Variants in ARMC3 observed in about 807,000 individuals in gnomAD.
ARMC3 encodes armadillo repeat-containing protein 3.
A neutral mutation model predicts 90.3 loss-of-function variants in ARMC3; 74 were observed. That is an observed-to-expected ratio of 0.82 (90% CI 0.68 to 0.99). ARMC3 has a LOEUF of 0.99. Among genes scored for constraint, ARMC3 ranks in the 50% least tolerant of loss-of-function variants. The pLI, the probability that ARMC3 is intolerant of heterozygous loss-of-function variation, is 0.00. For missense variants in ARMC3, 958 were observed against 1,042.8 expected, an observed-to-expected ratio of 0.92 and a Z score of 1.12; for synonymous variants, 334 against 361.8, an observed-to-expected ratio of 0.92 and a Z score of 0.87.
Position 22,959,544 on chromosome 10 carries a change from C to A in ARMC3, c.507C>A (p.Asn169Lys). Reference sequence around the variant, plus strand: ...GCCCTGACCCGGATGTAAAGAAGAACTCTATGGAATGCATTTACAACTTGG... The same window carrying A: ...GCCCTGACCCGGATGTAAAGAAGAAATCTATGGAATGCATTTACAACTTGG... Reference protein sequence around the residue: ...LSSPDPDVKKNSMECIYNLVQ... With the variant: ...LSSPDPDVKKKSMECIYNLVQ... The change falls in exon 6 of 19, where the codon AAC becomes AAA. Residue 169 changes from asparagine to lysine, a missense_variant. By Grantham distance (94) the Asn-to-Lys change is moderately conservative. Transcript: ENST00000298032. 6.2e-7 allele frequency: 1 copy of A among 1,608,074 alleles called. No individual in the cohort carries two copies. Among genetic ancestry groups the A allele is most frequent in the Non-Finnish European group, 8.5e-7 (1 of 1,178,770 alleles).
At chr10:23,021,023 T>C (rs544689712) in intron 16 of ARMC3, among the ~76,000 whole-genome samples, 32 of 152,286 alleles carry the variant, frequency 2.1e-4, no homozygotes, top group African/African-American at 7.5e-4. Context: ...TCCATGTGTA[T>C]GCAATGTTTA....
At chr10:22,968,173 A>G (rs1041813836) in intron 7 of ARMC3, 133 bp from the exon 8 acceptor site, 4 of 738,932 alleles carry the variant, frequency 5.4e-6, no homozygotes, top group African/African-American at 3.6e-5. Flanking sequence ...CAGAACTCCT[A>G]TTCCCTGGGG....
Position 23,014,233 on chromosome 10 carries a change from G to T in ARMC3, c.2045+5302G>T, listed in dbSNP as rs990850046. ...CTTCTGAATTGTAAATGAAAATGAT[G>T]ATCCCTGCCTCAAAGAGCTGCTGTA... On this transcript the variant is annotated intron_variant, in intron 16 of 18. Coordinates refer to ENST00000298032, the MANE Select transcript of ARMC3 (RefSeq NM_173081.5). 30 of 1,523,462 alleles carry T rather than the reference G, an allele frequency of 2.0e-5. No individual in the cohort carries two copies. The African/African-American group carries it at 3.7e-4, about 19-fold the overall frequency. The allele number at this position is 1,523,462 out of a possible 1,614,324, so 94.4% of individuals were successfully genotyped here.
In ARMC3 at chr10:23,030,451, T is replaced by C. The variant is rs1006223136; in HGVS notation, c.2046-145T>C. 7 of 1,386,094 alleles carry C rather than the reference T, an allele frequency of 5.1e-6. No individual in the cohort carries two copies. In the East Asian group the frequency reaches 1.8e-4, roughly 35 times the overall value. 85.9% of individuals were successfully genotyped at this position (1,386,094 alleles called of 1,614,324 possible). On this transcript the variant is annotated intron_variant, in intron 16 of 18. Coordinates refer to ENST00000298032, the MANE Select transcript of ARMC3 (RefSeq NM_173081.5). ...TATTTACTGAAAAAAAATCCACATA[T>C]AAGTGGATCCACACAGTTCAATCTC...
At chr10:23,003,469 A>C in intron 13 of ARMC3, 55 bp downstream of exon 13, 1 of 1,359,532 alleles carries the variant, frequency 7.4e-7, no homozygotes, top group Non-Finnish European at 9.8e-7. Flanking sequence ...TTTTTCTTTA[A>C]TCCTGATGCC....
intron 6 of ARMC3, chr10:22,961,436 A>G (rs191724981): frequency 2.1e-3 from 329 of 157,306 alleles, no homozygotes; most frequent in Admixed American, 4.4e-3. Context: ...CCCGCTGTAA[A>G]TTTGCATGCA....
At chr10:22,974,890 C>T (rs2131315503) in intron 8 of ARMC3, among the ~76,000 whole-genome samples, 1 of 150,522 alleles carries the variant, frequency 6.6e-6, no homozygotes, top group African/African-American at 2.5e-5. Context: ...GATCCACCTG[C>T]CTTGGCCTCC....
chr10:22,992,137 C>T (rs143219711), intron 10 of ARMC3, among the ~76,000 whole-genome samples: 1 of 152,286 alleles, frequency 6.6e-6, no homozygotes, highest in East Asian at 1.9e-4. Flanking sequence ...TGTGATTGAA[C>T]AGATAGGTCA....
intron 18 of ARMC3, among the ~76,000 whole-genome samples, chr10:23,033,660 A>T (rs563110615): frequency 6.6e-6 from 1 of 152,324 alleles, no homozygotes; most frequent in Admixed American, 6.5e-5. Context: ...AACAGTAGCC[A>T]TTGAAAGTTT....
chr10:22,969,588 T>C (rs1390717628), intron 8 of ARMC3, among the ~76,000 whole-genome samples: 2 of 152,236 alleles, frequency 1.3e-5, no homozygotes, highest in Non-Finnish European at 2.9e-5. Context: ...TATAAATGCC[T>C]ATTTGAGAGA....
chr10:22,985,170 A>G (rs1474698737), intron 10 of ARMC3, among the ~76,000 whole-genome samples: 1 of 149,420 alleles, frequency 6.7e-6, no homozygotes, highest in African/African-American at 2.5e-5. Context: ...CTGGGATTAC[A>G]GGTTTGAGCC....
In ARMC3 at chr10:23,038,041, T is replaced by A. The variant is rs1383347652; in HGVS notation, c.*562T>A. On this transcript the variant is annotated 3_prime_UTR_variant, in exon 19 of 19. Coordinates refer to ENST00000298032, the MANE Select transcript of ARMC3 (RefSeq NM_173081.5). ...CATCATTAAAAACACTTTAATATAGTGAATTAAAAATATTTCTAAAGTATA... is the reference window on the plus strand; with the variant it reads ...CATCATTAAAAACACTTTAATATAGAGAATTAAAAATATTTCTAAAGTATA... 1 of 152,226 alleles carries A rather than the reference T, an allele frequency of 6.6e-6. No individual in the cohort carries two copies. Among genetic ancestry groups the A allele is most frequent in the Non-Finnish European group, 1.5e-5 (1 of 68,042 alleles). 9.4% of individuals were successfully genotyped at this position (152,226 alleles called of 1,614,324 possible).
intron 3 of ARMC3, among the ~76,000 whole-genome samples, chr10:22,952,501 G>A (rs141063248): frequency 1.5e-3 from 234 of 152,240 alleles, no homozygotes; most frequent in African/African-American, 5.5e-3. Context: ...AGCTTGAATA[G>A]CTCTATATTA....
intron 8 of ARMC3, among the ~76,000 whole-genome samples, chr10:22,979,914 G>T (rs1836109191): frequency 6.6e-6 from 1 of 152,136 alleles, no homozygotes; most frequent in South Asian, 2.1e-4. Flanking sequence ...GCCTGTGCCA[G>T]TTGTGGCCAG....
chr10:22,940,902 G>A (rs1300987569), intron 2 of ARMC3, among the ~76,000 whole-genome samples: 1 of 152,190 alleles, frequency 6.6e-6, no homozygotes, highest in Non-Finnish European at 1.5e-5. Flanking sequence ...TGTATAAAAT[G>A]TGCATGGCAA....
At chr10:22,938,395 C>T (rs966359498) in intron 2 of ARMC3, among the ~76,000 whole-genome samples, 6 of 152,084 alleles carry the variant, frequency 3.9e-5, no homozygotes, top group Non-Finnish European at 2.9e-5. Context: ...AAGGAGAATT[C>T]GTTGGAAGGT....
chr10:22,938,844 T>A (rs1240550223), intron 2 of ARMC3, among the ~76,000 whole-genome samples: 1 of 152,092 alleles, frequency 6.6e-6, no homozygotes, highest in African/African-American at 2.4e-5. Flanking sequence ...CAAACCACCA[T>A]GAATAAAAAC....
chr10:22,956,733 CATT>C (rs917182381), intron 4 of ARMC3, among the ~76,000 whole-genome samples: 7 of 146,838 alleles, frequency 4.8e-5, no homozygotes, highest in African/African-American at 1.2e-4. Flanking sequence ...ACATAATTAA[CATT>C]AATATGTGAT....
Position 23,001,828 on chromosome 10 carries a change from C to T in ARMC3, c.1426-91C>T, listed in dbSNP as rs934495568. On this transcript the variant is annotated intron_variant, in intron 11 of 18. Transcript: ENST00000298032. ...TGAAGCATTTTTACATAGTTAAAAC[C>T]TTTTAGCAATCAAATAATGAGATTT... 7.8e-6 allele frequency: 11 copies of T among 1,410,734 alleles called. No individual in the cohort carries two copies. The African/African-American group carries it at 1.3e-4, about 17-fold the overall frequency. The allele number at this position is 1,410,734 out of a possible 1,614,324, so 87.4% of individuals were successfully genotyped here. A position where few individuals can be genotyped will look rare whatever the true frequency, so the allele number is the denominator to read the frequency against.
Sources: gnomAD v4.1 joint callset for allele counts (sites outside exome capture counted in the v4.1 genomes callset) on GRCh38, gnomAD v4.1.1 for gene constraint, MANE v1.5 for transcripts, NCBI Gene and HGNC (gene_info 2026-07-23, HGNC 2026-07-21) for gene names.